OARD1: variants seen among roughly 807,000 people sequenced by gnomAD.
The protein encoded by OARD1 is ADP-ribose glycohydrolase OARD1.
Under a neutral mutation model 19.7 loss-of-function variants are expected in OARD1, and 19 were observed. That is an observed-to-expected ratio of 0.96 (90% CI 0.67 to 1.41). OARD1 has a LOEUF of 1.41. OARD1 is among the 40% of genes most tolerant of loss of function. The probability of loss-of-function intolerance (pLI) is 0.00; values close to 1 mark genes in which losing one functional copy is unlikely to be tolerated. For missense variants in OARD1, 190 were observed against 183.8 expected, an observed-to-expected ratio of 1.03 and a Z score of -0.20; for synonymous variants, 70 against 61.8, an observed-to-expected ratio of 1.13 and a Z score of -0.62.
upstream of OARD1, among the ~76,000 whole-genome samples, chr6:41,074,223 A>ACGTTTT (rs1397496625): frequency 6.6e-6 from 1 of 152,164 alleles, no homozygotes; most frequent in African/African-American, 2.4e-5. Context: ...TCCTGTGTTA[A>ACGTTTT]CGTTTTCTCA....
At chr6:41,070,829 TA>T (rs1370173570) in intron 3 of OARD1, 1 of 556,946 alleles carries the variant, frequency 1.8e-6, no homozygotes, top group Non-Finnish European at 3.1e-6. Flanking sequence ...AGAATATTGG[TA>T]AGTAAAGGAT....
chr6:41,076,718 C>CAAG (rs1763742414), upstream of OARD1, among the ~76,000 whole-genome samples: 1 of 152,206 alleles, frequency 6.6e-6, no homozygotes, highest in Non-Finnish European at 1.5e-5. Flanking sequence ...GTGTTAAGAG[C>CAAG]AAGAGCTAGA....
intron 1 of OARD1, among the ~76,000 whole-genome samples, chr6:41,077,748 T>G (rs908934598): frequency 6.6e-6 from 1 of 152,290 alleles, no homozygotes; most frequent in Middle Eastern, 3.4e-3. Context: ...TGTTGGCCAA[T>G]CTATATGTAA....
chr6:41,066,951 A>C lies in OARD1; in HGVS notation c.*384T>G, dbSNP rs1763038327. On this transcript the variant is annotated 3_prime_UTR_variant, in exon 6 of 6. Coordinates refer to ENST00000424266, the MANE Select transcript of OARD1 (RefSeq NM_001329686.2). ...TGTGCACAAACGACAAAAAATGCCA[A>C]ACTAACTGGAATGATCATCCTTCCT... The C allele has an allele frequency of 6.5e-6, 1 of 154,480 alleles. No individual in the cohort carries two copies. The highest frequency in any genetic ancestry group is 2.0e-4 in the South Asian group (1 of 4,930). 9.6% of individuals were successfully genotyped at this position (154,480 alleles called of 1,614,324 possible). A position where few individuals can be genotyped will look rare whatever the true frequency, so the allele number is the denominator to read the frequency against.
chr6:41,071,238 T>C lies in OARD1; in HGVS notation c.78A>G (p.Lys26=). ...TGATACAGTGGGCTAAAGAGTCTGT[T>C]TTCGGGCATGCAAAAAGGTCTCCTT... ...YVKGDLFACP[K]TDSLAHCISE... is the part of the protein sequence containing the mutation. Residue 26 remains lysine, a synonymous_variant, in exon 3 of 6, where the codon AAA becomes AAG. Coordinates refer to ENST00000424266, the MANE Select transcript of OARD1 (RefSeq NM_001329686.2). 3 of 1,614,162 alleles carry C rather than the reference T, an allele frequency of 1.9e-6. No individual in the cohort carries two copies. Among genetic ancestry groups the C allele is most frequent in the Non-Finnish European group, 2.5e-6 (3 of 1,179,988 alleles).
chr6:41,089,574 T>C, intron 1 of OARD1: 1 of 1,603,660 alleles, frequency 6.2e-7, no homozygotes, highest in Non-Finnish European at 8.5e-7. Context: ...TGTTCTTTTC[T>C]GCAGATACAG....
chr6:41,079,040 A>C, intron 1 of OARD1: 1 of 1,573,942 alleles, frequency 6.4e-7, no homozygotes, highest in Non-Finnish European at 8.7e-7. Context: ...AGTGTACCTC[A>C]CAGCCTTCTA....
chr6:41,084,015 A>G, intron 1 of OARD1: 2 of 1,566,984 alleles, frequency 1.3e-6, no homozygotes, highest in Non-Finnish European at 1.7e-6. Context: ...GTCTTATGTT[A>G]TTTCATTGTT....
At chr6:41,084,001 T>A (rs140705580) in intron 1 of OARD1, 1 of 1,526,578 alleles carries the variant, frequency 6.6e-7, no homozygotes, top group African/African-American at 1.4e-5. Flanking sequence ...AAAAACCATT[T>A]TGTGTCTTAT....
At chr6:41,069,761 T>C (rs1406420163) in intron 4 of OARD1, 1 of 343,900 alleles carries the variant, frequency 2.9e-6, no homozygotes, top group Non-Finnish European at 5.3e-6. Context: ...ATTGTTTTTA[T>C]CTCACTCTGC....
At chr6:41,078,859 T>C (rs1283822746) in intron 1 of OARD1, among the ~76,000 whole-genome samples, 2 of 152,252 alleles carry the variant, frequency 1.3e-5, no homozygotes, top group Admixed American at 1.3e-4. Context: ...TATGTTGTTA[T>C]GATTGTGCCA....
chr6:41,089,545 G>C (rs1332401993), intron 1 of OARD1: 1 of 1,569,180 alleles, frequency 6.4e-7, no homozygotes, highest in African/African-American at 1.4e-5. Flanking sequence ...AGTGTCAGTA[G>C]AGTACAATCC....
At chr6:41,081,844 G>C (rs989912003) in intron 1 of OARD1, among the ~76,000 whole-genome samples, 2 of 152,100 alleles carry the variant, frequency 1.3e-5, no homozygotes, top group Non-Finnish European at 2.9e-5. Flanking sequence ...TAAGTCTTAG[G>C]TGTTAAAGCC....
chr6:41,094,537 T>G, intron 1 of OARD1: 1 of 1,510,316 alleles, frequency 6.6e-7, no homozygotes, highest in South Asian at 1.1e-5. Flanking sequence ...CTTTATTACC[T>G]TGTATTGACT....
chr6:41,084,822 C>T (rs148084770), intron 1 of OARD1, among the ~76,000 whole-genome samples: 1 of 152,118 alleles, frequency 6.6e-6, no homozygotes, highest in African/African-American at 2.4e-5. Flanking sequence ...ATTAGCCGGG[C>T]GTGGTGGCAC....
chr6:41,091,970 G>A (rs1054856506), intron 1 of OARD1, among the ~76,000 whole-genome samples: 18 of 152,232 alleles, frequency 1.2e-4, no homozygotes, highest in African/African-American at 3.6e-4. Context: ...TTCAAATAAC[G>A]AAGGGAATTA....
Position 41,068,891 on chromosome 6 carries a change from T to C in OARD1, c.306A>G (p.Ala102=). Residue 102 remains alanine (A), a synonymous_variant, in exon 5 of 6, where the codon GCA becomes GCG. Coordinates refer to ENST00000424266, the MANE Select transcript of OARD1 (RefSeq NM_001329686.2). ...TYENLQKSLE[A]MKSHCLKNGV... ...CATTCTTCAGACAATGAGACTTCATTGCCTCTAAACTCTTCTGTAAGTTTT... is the reference window on the plus strand; with the variant it reads ...CATTCTTCAGACAATGAGACTTCATCGCCTCTAAACTCTTCTGTAAGTTTT... 2 of 1,610,628 alleles carry C rather than the reference T, an allele frequency of 1.2e-6. No homozygotes were observed. Among genetic ancestry groups the C allele is most frequent in the Non-Finnish European group, 1.7e-6 (2 of 1,178,294 alleles).
intron 4 of OARD1, 25 bp from the exon 5 acceptor site, chr6:41,068,978 CA>C: frequency 7.6e-7 from 1 of 1,309,576 alleles, no homozygotes; most frequent in Non-Finnish European, 1.1e-6. Context: ...TTCAAACTTT[CA>C]TCATCCCAAA....
At chr6:41,094,620 T>G in intron 1 of OARD1, 1 of 658,694 alleles carries the variant, frequency 1.5e-6, no homozygotes. Flanking sequence ...CTAAACTGGA[T>G]GCAATCTTAT....
Sources: gnomAD v4.1 joint callset for allele counts (sites outside exome capture counted in the v4.1 genomes callset) on GRCh38, gnomAD v4.1.1 for gene constraint, MANE v1.5 for transcripts, NCBI Gene and HGNC (gene_info 2026-07-23, HGNC 2026-07-21) for gene names.